Variants in SLC8A1 observed in about 807,000 individuals in gnomAD.
SLC8A1 encodes the protein solute carrier family 8 member A1.
A neutral mutation model predicts 68.3 loss-of-function variants in SLC8A1; 18 were observed. The ratio of observed to expected loss-of-function variants is 0.26; its 90% CI spans 0.18 to 0.39. SLC8A1 has a LOEUF of 0.39. Among genes scored for constraint, SLC8A1 ranks in the 10% least tolerant of loss-of-function variants. The pLI is 1.00. For missense variants in SLC8A1, 985 were observed against 1,156.7 expected (o/e 0.85, Z 2.15); for synonymous variants, 475 against 415.5 (o/e 1.14, Z -1.74).
intron 2 of SLC8A1, among the ~76,000 whole-genome samples, chr2:40,238,280 C>T (rs373211164): frequency 6.6e-6 from 1 of 152,166 alleles, no homozygotes; most frequent in African/African-American, 2.4e-5. Context: ...AGGACCCTCC[C>T]AGCCAGGTGC....
rs865850164 is a variant in SLC8A1, at chr2:40,441,406, A to C, written c.-25+10498T>G. 2.7e-3 allele frequency among the ~76,000 whole-genome samples: 416 copies of C among 152,170 alleles called. 1 individual carries two copies. Among genetic ancestry groups the C allele is most frequent in the African/African-American group, 9.6e-3 (400 of 41,532 alleles). On this transcript the variant is annotated intron_variant, in intron 1 of 7. Transcript: ENST00000406785. ...TCTTCATAGAATTAGAAAAAAAAAA[A>C]AACTACTTTAAGTTTCATATCGAAC... is the stretch of plus-strand genomic sequence containing the variant.
intron 7 of SLC8A1, 62 bp from the exon 11 acceptor site, chr2:40,115,691 G>A (rs760360226): frequency 8.1e-5 from 125 of 1,550,728 alleles, no homozygotes; most frequent in Non-Finnish European, 1.1e-4. Flanking sequence ...TTGGAGTGCT[G>A]CAAGCTTCAG....
chr2:40,223,584 T>C (rs1330528603), intron 2 of SLC8A1: 3 of 152,050 alleles, frequency 2.0e-5, no homozygotes, highest in Non-Finnish European at 4.4e-5. Flanking sequence ...CCAGGGAAAA[T>C]ATTAAAACTG....
intron 1 of SLC8A1, among the ~76,000 whole-genome samples, chr2:40,490,633 G>T (rs575068350): frequency 2.0e-5 from 3 of 152,176 alleles, no homozygotes; most frequent in South Asian, 4.1e-4. Flanking sequence ...TAGATGATTT[G>T]TGGGGATGGG....
intron 2 of SLC8A1, among the ~76,000 whole-genome samples, chr2:40,383,964 T>G (rs1225249214): frequency 1.3e-5 from 2 of 152,076 alleles, no homozygotes; most frequent in African/African-American, 4.8e-5. Context: ...TATAAAGTAA[T>G]AAATGGTAAG....
chr2:40,276,531 G>A (rs2066720553), intron 2 of SLC8A1, among the ~76,000 whole-genome samples: 1 of 152,138 alleles, frequency 6.6e-6, no homozygotes, highest in Non-Finnish European at 1.5e-5. Context: ...CTTCTTCATG[G>A]AAACTACAGG....
intron 2 of SLC8A1, among the ~76,000 whole-genome samples, chr2:40,294,685 T>A (rs938829220): frequency 2.6e-5 from 4 of 152,138 alleles, no homozygotes; most frequent in Non-Finnish European, 4.4e-5. Context: ...TTAAAAAACA[T>A]CTCAATCATT....
chr2:40,492,544 A>AGGCAACCTACAAAATTG (rs1559768400), intron 1 of SLC8A1, among the ~76,000 whole-genome samples: 2 of 151,704 alleles, frequency 1.3e-5, no homozygotes, highest in African/African-American at 2.4e-5. Flanking sequence ...AACTACCATC[A>AGGCAACCTACAAAATTG]GAGTGAACAG....
At chr2:40,213,082 G>A (rs745627364) in intron 2 of SLC8A1, 3 of 152,170 alleles carry the variant, frequency 2.0e-5, no homozygotes, top group Non-Finnish European at 4.4e-5. Flanking sequence ...ATAATTTAAA[G>A]ATGACTAAGT....
At chr2:40,204,034 T>G (rs990259573) in intron 2 of SLC8A1, among the ~76,000 whole-genome samples, 4 of 151,928 alleles carry the variant, frequency 2.6e-5, no homozygotes, top group Non-Finnish European at 1.5e-5. Flanking sequence ...TTGAAAACAA[T>G]TTTACAAACC....
In SLC8A1 at chr2:40,421,350, A is replaced by C. The variant is rs79191056; in HGVS notation, c.1808+7123T>G. 2.7e-3 allele frequency among the ~76,000 whole-genome samples: 418 copies of C among 152,286 alleles called. 1 individual carries two copies. Among genetic ancestry groups the C allele is most frequent in the African/African-American group, 9.7e-3 (402 of 41,570 alleles). On this transcript the variant is annotated intron_variant, in intron 2 of 7. Transcript: ENST00000406785. Reference sequence around the variant, plus strand: ...AAAGCTGGTAGGGGACAGAGAGCTCAAATTTCCAAGTTTAGCGATCCTCCT... The same window carrying C: ...AAAGCTGGTAGGGGACAGAGAGCTCCAATTTCCAAGTTTAGCGATCCTCCT...
Position 40,226,182 on chromosome 2 carries a change from C to T in SLC8A1, c.1809-48327G>A, listed in dbSNP as rs551954935. Among the ~76,000 whole-genome samples the T allele has an allele frequency of 8.9e-4, 135 of 152,152 alleles. 1 individual carries two copies. Among genetic ancestry groups the T allele is most frequent in the African/African-American group, 3.1e-3 (129 of 41,530 alleles). ...CACAAGCACAGGGGAGCCTGCTGGG[C>T]AATGGGAAGGGCAAAGGATGGCAAA... On this transcript the variant is annotated intron_variant, in intron 2 of 7. Transcript: ENST00000406785.
intron 2 of SLC8A1, among the ~76,000 whole-genome samples, chr2:40,245,508 G>C (rs1030047357): frequency 2.6e-5 from 4 of 152,034 alleles, no homozygotes; most frequent in Non-Finnish European, 4.4e-5. Flanking sequence ...AAGTTGACAG[G>C]GTAAAACTTT....
intron 6 of SLC8A1, among the ~76,000 whole-genome samples, chr2:40,144,699 G>A (rs1217163338): frequency 6.6e-6 from 1 of 151,964 alleles, no homozygotes; most frequent in Non-Finnish European, 1.5e-5. Context: ...TCTCAGACCC[G>A]TGGGGACCAA....
At chr2:40,350,587 C>CAAAAAAAAAAAA (rs572258156) in intron 2 of SLC8A1, among the ~76,000 whole-genome samples, 13 of 76,224 alleles carry the variant, frequency 1.7e-4, no homozygotes, top group East Asian at 3.5e-4. Context: ...CCCAGACAAG[C>CAAAAAAAAAAAA]AAAAAAAAAA....
At chr2:40,149,734 G>C (rs1166466134) in intron 6 of SLC8A1, among the ~76,000 whole-genome samples, 1 of 152,072 alleles carries the variant, frequency 6.6e-6, no homozygotes, top group Non-Finnish European at 1.5e-5. Flanking sequence ...GGCTGCTGTG[G>C]GGCTTATGTG....
At chr2:40,493,590 G>T (rs1576664152) in intron 1 of SLC8A1, among the ~76,000 whole-genome samples, 2 of 150,720 alleles carry the variant, frequency 1.3e-5, no homozygotes, top group South Asian at 4.2e-4. Context: ...CTTGGGAGTT[G>T]GGAAACCAAG....
At chr2:40,484,308 G>T (rs929576850) in intron 1 of SLC8A1, among the ~76,000 whole-genome samples, 3 of 152,150 alleles carry the variant, frequency 2.0e-5, no homozygotes, top group African/African-American at 7.2e-5. Context: ...CATTTGGAAG[G>T]ACTGGCATTA....
chr2:40,462,973 T>G (rs1703432630), intron 1 of SLC8A1, among the ~76,000 whole-genome samples: 1 of 151,930 alleles, frequency 6.6e-6, no homozygotes, highest in Non-Finnish European at 1.5e-5. Flanking sequence ...GAGTGACCAC[T>G]AAGCAAGGTC....
Sources: gnomAD v4.1 joint callset for allele counts (sites outside exome capture counted in the v4.1 genomes callset) on GRCh38, gnomAD v4.1.1 for gene constraint, MANE v1.5 for transcripts, NCBI Gene and HGNC (gene_info 2026-07-23, HGNC 2026-07-21) for gene names.